Variants in XYLT1 observed in about 807,000 individuals in gnomAD.
XYLT1 encodes the protein beta-D-xylosyltransferase 1.
In XYLT1, 36 loss-of-function variants were observed where a neutral mutation model predicts 91.3. The observed-to-expected ratio is 0.39, with a 90% confidence interval of 0.30 to 0.52. The LOEUF is 0.52. Among genes scored for constraint, XYLT1 ranks in the 20% least tolerant of loss-of-function variants. XYLT1 has a pLI of 0.68. For synonymous variants in XYLT1, 588 were observed against 532.0 expected, an observed-to-expected ratio of 1.11 and a Z score of -1.45; for missense variants, 1,242 against 1,284.5, an observed-to-expected ratio of 0.97 and a Z score of 0.51.
At position 17,470,580 on chromosome 16, in the gene XYLT1, C is replaced by G. The variant is rs1393829611; in HGVS notation, c.217G>C (p.Glu73Gln). 1 of 1,195,924 alleles carries G rather than the reference C, an allele frequency of 8.4e-7. No homozygotes were observed. The allele number at this position is 1,195,924 out of a possible 1,614,324, so 74.1% of individuals were successfully genotyped here. ...PRRERRDLPA[E>Q]PAAARGGGGG... ...CCTCCTCCTCGGGCTGCAGCCGGCT[C>G]GGCGGGCAGGTCCCGGCGCTCCCGG... is the stretch of plus-strand genomic sequence containing the variant. Residue 73 changes from glutamate (E) to glutamine (Q), a missense_variant, in exon 1 of 12, where the codon GAG (glutamate) becomes CAG (glutamine). Coordinates refer to ENST00000261381, the MANE Select transcript of XYLT1 (RefSeq NM_022166.4).
At position 17,295,044 on chromosome 16, in the gene XYLT1, T is replaced by C. The variant is rs567678268; in HGVS notation, c.403-35546A>G. ...AGAGAGAAGTCAGTGGTTAGGATGA[T>C]GCAATGGGTGCATTTCTTAATAAGG... is the stretch of plus-strand genomic sequence containing the variant. On this transcript the variant is annotated intron_variant, in intron 2 of 11. Coordinates refer to ENST00000261381, the MANE Select transcript of XYLT1 (RefSeq NM_022166.4). Among the ~76,000 whole-genome samples the C allele has an allele frequency of 7.9e-5, 12 of 152,314 alleles. No homozygotes were observed. In the East Asian group the frequency reaches 1.5e-3, roughly 20 times the overall value.
chr16:17,187,986 T>G (rs767993031), intron 5 of XYLT1, among the ~76,000 whole-genome samples: 2 of 152,106 alleles, frequency 1.3e-5, no homozygotes, highest in Non-Finnish European at 2.9e-5. Context: ...GTTGAAATCC[T>G]CTGAGTCTCC....
chr16:17,447,950 C>A (rs930877448), intron 1 of XYLT1, among the ~76,000 whole-genome samples: 11 of 152,238 alleles, frequency 7.2e-5, no homozygotes, highest in African/African-American at 2.7e-4. Flanking sequence ...TCGCTTGTGA[C>A]ATGCATCATT....
chr16:17,319,236 A>G (rs66991568), intron 2 of XYLT1, among the ~76,000 whole-genome samples: 21,888 of 152,182 alleles, frequency 0.14, 1,892 homozygotes, highest in African/African-American at 0.24. Flanking sequence ...ATGAAAAAAA[A>G]TCTATCAGAA....
intron 3 of XYLT1, among the ~76,000 whole-genome samples, chr16:17,256,105 T>C (rs1006762058): frequency 6.6e-6 from 1 of 152,166 alleles, no homozygotes. Flanking sequence ...CTTGTTAAAG[T>C]TGTCCCTGCT....
chr16:17,181,316 T>C (rs1443955208), intron 5 of XYLT1, among the ~76,000 whole-genome samples: 1 of 152,072 alleles, frequency 6.6e-6, no homozygotes, highest in Non-Finnish European at 1.5e-5. Context: ...CTGCCCAATC[T>C]GCATTTCTGT....
chr16:17,249,650 TTTTGTTTG>T (rs10607398), intron 3 of XYLT1: 66,904 of 151,706 alleles, frequency 0.44, 15,636 homozygotes, highest in African/African-American at 0.58. Context: ...TATGTAGTTT[TTTTGTTTG>T]TTTGTTTGTT....
intron 1 of XYLT1, among the ~76,000 whole-genome samples, chr16:17,455,265 C>T (rs554567747): frequency 6.6e-6 from 1 of 152,206 alleles, no homozygotes; most frequent in African/African-American, 2.4e-5. Flanking sequence ...GCTGTTTATT[C>T]ATGATTTCTG....
At chr16:17,119,445 C>A (rs9921434) in intron 10 of XYLT1, among the ~76,000 whole-genome samples, 43,769 of 152,122 alleles carry the variant, frequency 0.29, 6,788 homozygotes, top group East Asian at 0.6. Context: ...CCATAATTAG[C>A]ATCTCTAATG....
At chr16:17,467,621 C>T (rs1020375541) in intron 1 of XYLT1, among the ~76,000 whole-genome samples, 3 of 152,178 alleles carry the variant, frequency 2.0e-5, no homozygotes, top group East Asian at 1.9e-4. Context: ...GGTGTTTCCT[C>T]TTGGCTTCTT....
At chr16:17,285,473 G>C (rs2034120678) in intron 2 of XYLT1, among the ~76,000 whole-genome samples, 1 of 152,206 alleles carries the variant, frequency 6.6e-6, no homozygotes, top group Non-Finnish European at 1.5e-5. Flanking sequence ...ACCTGATCTA[G>C]GGCTTTGATC....
chr16:17,305,119 G>A (rs1431660041), intron 2 of XYLT1, among the ~76,000 whole-genome samples: 1 of 152,126 alleles, frequency 6.6e-6, no homozygotes. Context: ...TACAAAGGAG[G>A]CGACAGAGGT....
At chr16:17,141,586 G>A (rs1388475002) in intron 6 of XYLT1, among the ~76,000 whole-genome samples, 3 of 152,112 alleles carry the variant, frequency 2.0e-5, no homozygotes, top group Non-Finnish European at 4.4e-5. Context: ...GGTACTATTT[G>A]ACCCCCAACT....
At chr16:17,469,252 A>G (rs367650482) in intron 1 of XYLT1, among the ~76,000 whole-genome samples, 2 of 152,358 alleles carry the variant, frequency 1.3e-5, no homozygotes, top group East Asian at 3.9e-4. Flanking sequence ...GACAAATGAT[A>G]GAAATATGCA....
chr16:17,410,503 C>T (rs1394696948), intron 1 of XYLT1, among the ~76,000 whole-genome samples: 1 of 152,182 alleles, frequency 6.6e-6, no homozygotes, highest in Non-Finnish European at 1.5e-5. Flanking sequence ...TTCACTATCA[C>T]GAGAACAGCG....
At chr16:17,463,316 C>A (rs2036845218) in intron 1 of XYLT1, among the ~76,000 whole-genome samples, 1 of 152,118 alleles carries the variant, frequency 6.6e-6, no homozygotes, top group South Asian at 2.1e-4. Flanking sequence ...TTGCAAACTA[C>A]CCATCTGACA....
At chr16:17,218,539 G>A (rs557357661) in intron 3 of XYLT1, among the ~76,000 whole-genome samples, 1 of 152,132 alleles carries the variant, frequency 6.6e-6, no homozygotes, top group Non-Finnish European at 1.5e-5. Flanking sequence ...GTGATTGTGA[G>A]CTATCGCTTC....
At chr16:17,183,266 T>G (rs1333599966) in intron 5 of XYLT1, among the ~76,000 whole-genome samples, 2 of 152,264 alleles carry the variant, frequency 1.3e-5, no homozygotes, top group East Asian at 3.9e-4. Flanking sequence ...GGCTAAACAT[T>G]AGGTCACTCT....
chr16:17,448,986 T>C (rs2036629877), intron 1 of XYLT1, among the ~76,000 whole-genome samples: 1 of 152,190 alleles, frequency 6.6e-6, no homozygotes, highest in African/African-American at 2.4e-5. Flanking sequence ...CTCCGGCACC[T>C]TGGCGCCAAG....
Sources: gnomAD v4.1 joint callset for allele counts (sites outside exome capture counted in the v4.1 genomes callset) on GRCh38, gnomAD v4.1.1 for gene constraint, MANE v1.5 for transcripts, NCBI Gene and HGNC (gene_info 2026-07-23, HGNC 2026-07-21) for gene names.